ALMS1: variants seen among roughly 807,000 people sequenced by gnomAD.
The protein encoded by ALMS1 is centrosome-associated protein ALMS1.
A neutral mutation model predicts 352.2 loss-of-function variants in ALMS1; 271 were observed. That is an observed-to-expected ratio of 0.77 (90% CI 0.70 to 0.85). The LOEUF is 0.85. ALMS1 is among the 40% of genes least tolerant of loss of function. The pLI is 0.00. For missense variants in ALMS1, 5,445 were observed against 4,870.7 expected (o/e 1.12, Z -3.51); for synonymous variants, 1,865 against 1,761.2 (o/e 1.06, Z -1.48).
intron 16 of ALMS1, among the ~76,000 whole-genome samples, chr2:73,586,148 A>C (rs761776706): frequency 9.9e-5 from 15 of 152,048 alleles, no homozygotes; most frequent in Non-Finnish European, 1.8e-4. Flanking sequence ...GATTTGTTTG[A>C]GTTCCTTGTA....
intron 10 of ALMS1, among the ~76,000 whole-genome samples, chr2:73,510,961 A>G (rs1673439114): frequency 6.6e-6 from 1 of 152,174 alleles, no homozygotes; most frequent in Non-Finnish European, 1.5e-5. Flanking sequence ...CCAGTTGGAA[A>G]TTCCCAGCGG....
chr2:73,539,663 T>C (rs1674119865), intron 12 of ALMS1, among the ~76,000 whole-genome samples: 1 of 151,990 alleles, frequency 6.6e-6, no homozygotes, highest in Non-Finnish European at 1.5e-5. Flanking sequence ...GAATAACCAA[T>C]GCAGAGAAGT....
At chr2:73,554,900 T>G (rs1674512244) in intron 13 of ALMS1, among the ~76,000 whole-genome samples, 1 of 152,202 alleles carries the variant, frequency 6.6e-6, no homozygotes, top group Non-Finnish European at 1.5e-5. Context: ...AATATGGTAC[T>G]TAGAAATGAA....
chr2:73,545,210 T>C (rs1265075211), intron 12 of ALMS1, among the ~76,000 whole-genome samples: 2 of 151,142 alleles, frequency 1.3e-5, no homozygotes, highest in Admixed American at 6.6e-5. Context: ...AAACAGAGTC[T>C]TGCTTTGTTA....
chr2:73,552,150 C>T (rs1254058989), intron 13 of ALMS1, among the ~76,000 whole-genome samples: 4 of 152,090 alleles, frequency 2.6e-5, no homozygotes, highest in African/African-American at 9.7e-5. Flanking sequence ...GTGTGCTGCA[C>T]CCATTAACTC....
intron 10 of ALMS1, among the ~76,000 whole-genome samples, chr2:73,511,760 A>C (rs1320042114): frequency 6.6e-6 from 1 of 152,178 alleles, no homozygotes; most frequent in African/African-American, 2.4e-5. Flanking sequence ...TGTAATGACT[A>C]GGAAAGAAAT....
Position 73,453,495 on chromosome 2 carries a change from C to G in ALMS1, c.6968C>G (p.Thr2323Arg), listed in dbSNP as rs1671994565. Residue 2323 changes from threonine to arginine, a missense_variant, in exon 8 of 23, where the codon ACA becomes AGA. By Grantham distance (71) the Thr-to-Arg change is moderately conservative. Coordinates refer to ENST00000613296, the MANE Select transcript of ALMS1 (RefSeq NM_001378454.1). ...NGDLLHRQPF[T>R]EESPSSRCIQ... Reference sequence around the variant, plus strand: ...GATTTGCTTCACAGACAGCCATTCACAGAGGAAAGCCCAAGCAGCAGGTGC... The same window carrying G: ...GATTTGCTTCACAGACAGCCATTCAGAGAGGAAAGCCCAAGCAGCAGGTGC... 2 of 1,613,330 alleles carry G rather than the reference C, an allele frequency of 1.2e-6. No individual in the cohort carries two copies. Among genetic ancestry groups the G allele is most frequent in the South Asian group, 1.1e-5 (1 of 91,042 alleles).
chr2:73,557,171 G>A (rs545816955), intron 13 of ALMS1, 49 bp from the exon 14 acceptor site: 4 of 1,612,210 alleles, frequency 2.5e-6, no homozygotes, highest in Non-Finnish European at 3.4e-6. Flanking sequence ...CTTGTCTGTT[G>A]TGTTTATTAT....
At chr2:73,535,559 G>C (rs533538426) in intron 12 of ALMS1, among the ~76,000 whole-genome samples, 1 of 152,318 alleles carries the variant, frequency 6.6e-6, no homozygotes, top group South Asian at 2.1e-4. Flanking sequence ...GCATTGAAAA[G>C]AACATAGCAC....
At position 73,584,485 on chromosome 2, in the gene ALMS1, T is replaced by G. The variant is rs191315501; in HGVS notation, c.11547+11061T>G. On this transcript the variant is annotated intron_variant, in intron 16 of 22. Coordinates refer to ENST00000613296, the MANE Select transcript of ALMS1 (RefSeq NM_001378454.1). ...GATCATCTTTTATGTTCTTGCAAAT[T>G]TGAGACTATTACCTTTATGTACCAG... Among the ~76,000 whole-genome samples, 921 of 152,336 alleles carry G rather than the reference T, an allele frequency of 6.0e-3. 4 individuals carry two copies. Among genetic ancestry groups the G allele is most frequent in the South Asian group, 9.1e-3 (44 of 4,828 alleles).
rs573767975 is a variant in ALMS1, at chr2:73,605,012, T to C, written c.12362+1708T>C. On this transcript the variant is annotated intron_variant, in intron 21 of 22. Transcript: ENST00000613296. ...GCACCGTGAAGGATGATGACTGTTT[T>C]AAGGAAAAGCACTTATGCCATGGTT... is the stretch of plus-strand genomic sequence containing the variant. Among the ~76,000 whole-genome samples, 123 of 152,244 alleles carry C rather than the reference T, an allele frequency of 8.1e-4. 1 individual carries two copies. The highest frequency in any genetic ancestry group is 2.2e-3 in the African/African-American group (91 of 41,482).
chr2:73,589,367 T>C (rs1428030062), intron 16 of ALMS1, among the ~76,000 whole-genome samples: 4 of 152,332 alleles, frequency 2.6e-5, no homozygotes, highest in Non-Finnish European at 5.9e-5. Context: ...AGAACTAGTA[T>C]ACATGGTTTC....
At chr2:73,601,138 G>T in intron 18 of ALMS1, 57 bp from the exon 19 acceptor site, 1 of 1,611,810 alleles carries the variant, frequency 6.2e-7, no homozygotes. Context: ...ATAAGAGCTG[G>T]GTGGGGCTGT....
chr2:73,511,723 TG>T lies in ALMS1; in HGVS notation c.9540-8049del, dbSNP rs780051981. On this transcript the variant is annotated intron_variant, in intron 10 of 22. Coordinates refer to ENST00000613296, the MANE Select transcript of ALMS1 (RefSeq NM_001378454.1). ...GAGTGATTTTACCTCTCAGGGAACA[TG>T]GGAAATGTCTGAAGACATTTTTGAT... 3.3e-5 allele frequency among the ~76,000 whole-genome samples: 5 copies of T among 152,250 alleles called. No individual in the cohort carries two copies. In the East Asian group the frequency reaches 7.7e-4, roughly 23 times the overall value.
intron 10 of ALMS1, among the ~76,000 whole-genome samples, chr2:73,509,611 T>A (rs1572983954): frequency 6.6e-6 from 1 of 152,194 alleles, no homozygotes. Context: ...GCTTGTAGGG[T>A]TTCTGCCAAG....
chr2:73,484,214 G>T (rs1214888453), intron 9 of ALMS1, among the ~76,000 whole-genome samples: 1 of 151,710 alleles, frequency 6.6e-6, no homozygotes, highest in African/African-American at 2.4e-5. Context: ...GCTGGTACTG[G>T]TTGTTCCTTT....
At chr2:73,586,558 A>G (rs944286532) in intron 16 of ALMS1, among the ~76,000 whole-genome samples, 10 of 151,920 alleles carry the variant, frequency 6.6e-5, no homozygotes, top group African/African-American at 2.4e-4. Flanking sequence ...GTTGGCTGTA[A>G]GTATTTGGCT....
chr2:73,524,184 C>T (rs1015772549), intron 11 of ALMS1, among the ~76,000 whole-genome samples: 1 of 152,104 alleles, frequency 6.6e-6, no homozygotes, highest in Non-Finnish European at 1.5e-5. Context: ...CATTTATTCC[C>T]ACATAAATTT....
chr2:73,605,838 T>C (rs1432102551), intron 21 of ALMS1, among the ~76,000 whole-genome samples: 1 of 150,944 alleles, frequency 6.6e-6, no homozygotes, highest in African/African-American at 2.4e-5. Flanking sequence ...TGCGAAACTC[T>C]GTCTCAAAAA....
Sources: allele counts gnomAD v4.1 joint callset (sites outside exome capture counted in the v4.1 genomes callset), GRCh38; gene constraint gnomAD v4.1.1; transcripts MANE v1.5; gene names NCBI Gene and HGNC (gene_info 2026-07-23, HGNC 2026-07-21).